Variants in ADAMTSL1 observed in about 807,000 individuals in gnomAD.
ADAMTSL1 encodes ADAMTS like 1.
Under a neutral mutation model 201.8 loss-of-function variants are expected in ADAMTSL1, and 126 were observed. The ratio of observed to expected loss-of-function variants is 0.62; its 90% CI spans 0.54 to 0.72. The LOEUF (loss-of-function observed/expected upper bound fraction) is 0.72, where lower values mean the gene tolerates loss of function less well. ADAMTSL1 is among the 30% of genes least tolerant of loss of function. ADAMTSL1 has a pLI of 0.00. For missense variants in ADAMTSL1, 2,679 were observed against 2,277.8 expected (o/e 1.18, Z -3.59); for synonymous variants, 1,121 against 903.4 (o/e 1.24, Z -4.32).
At chr9:18,888,259 G>T (rs1286679774) in intron 24 of ADAMTSL1, among the ~76,000 whole-genome samples, 1 of 152,166 alleles carries the variant, frequency 6.6e-6, no homozygotes, top group Admixed American at 6.5e-5. Flanking sequence ...ACCTGGAAAA[G>T]CCAGTGCTGC....
At chr9:18,337,847 A>G (rs1835307420) in intron 2 of ADAMTSL1, among the ~76,000 whole-genome samples, 1 of 152,148 alleles carries the variant, frequency 6.6e-6, no homozygotes, top group Admixed American at 6.5e-5. Context: ...AGAGTGGTAG[A>G]AGTACTGAAT....
intron 2 of ADAMTSL1, among the ~76,000 whole-genome samples, chr9:18,435,847 C>G (rs574713540): frequency 1.3e-5 from 2 of 152,124 alleles, no homozygotes; most frequent in African/African-American, 4.8e-5. Flanking sequence ...TTCACTATCA[C>G]GAGAACAGCA....
At chr9:18,887,177 T>G (rs941418887) in intron 23 of ADAMTSL1, among the ~76,000 whole-genome samples, 1 of 152,252 alleles carries the variant, frequency 6.6e-6, no homozygotes, top group African/African-American at 2.4e-5. Flanking sequence ...ATCTTACCGA[T>G]TCTATGCTAC....
chr9:18,875,259 G>C (rs1452583566), intron 23 of ADAMTSL1, among the ~76,000 whole-genome samples: 1 of 151,758 alleles, frequency 6.6e-6, no homozygotes, highest in Admixed American at 6.6e-5. Context: ...ATTTAGTTCT[G>C]CTCTGATCTT....
intron 25 of ADAMTSL1, chr9:18,890,729 C>T (rs75980004): frequency 2.0e-5 from 7 of 356,084 alleles, no homozygotes; most frequent in Admixed American, 7.3e-5. Context: ...AAACCCCCCC[C>T]ACCCCAGCTC....
At position 18,402,033 on chromosome 9, in the gene ADAMTSL1, C is replaced by T. The variant is rs142902922; in HGVS notation, c.208-102796C>T. Among the ~76,000 whole-genome samples the T allele has an allele frequency of 4.6e-3, 707 of 152,234 alleles. 4 individuals are homozygous for T. The highest frequency in any genetic ancestry group is 0.015 in the African/African-American group (624 of 41,542). On this transcript the variant is annotated intron_variant, in intron 2 of 29. Coordinates refer to the ADAMTSL1 transcript ENST00000680146. ...TTCTTGTGAGCTATCTGGTGATAGG[C>T]GAACTTTATTTTCTTCCCACTCTTC...
At chr9:18,654,853 A>G (rs1324050526) in intron 7 of ADAMTSL1, among the ~76,000 whole-genome samples, 1 of 152,220 alleles carries the variant, frequency 6.6e-6, no homozygotes, top group Non-Finnish European at 1.5e-5. Context: ...AAGCTTTCCA[A>G]AGTCATGACA....
chr9:17,977,520 G>T (rs769399325), intron 1 of ADAMTSL1, among the ~76,000 whole-genome samples: 2 of 151,774 alleles, frequency 1.3e-5, no homozygotes, highest in East Asian at 1.9e-4. Context: ...ATTTAGTCTT[G>T]GTTGGTTCTA....
intron 7 of ADAMTSL1, among the ~76,000 whole-genome samples, chr9:18,654,815 G>A (rs1483435948): frequency 6.6e-6 from 1 of 152,168 alleles, no homozygotes; most frequent in Non-Finnish European, 1.5e-5. Context: ...CTCCCTAGCA[G>A]GCATACTGAT....
intron 2 of ADAMTSL1, among the ~76,000 whole-genome samples, chr9:18,370,449 C>T (rs1217717779): frequency 6.6e-6 from 1 of 152,084 alleles, no homozygotes; most frequent in Non-Finnish European, 1.5e-5. Context: ...GTACCCCCCC[C>T]GAATCCATAA....
At chr9:18,071,181 C>A (rs1822946795) in intron 1 of ADAMTSL1, among the ~76,000 whole-genome samples, 1 of 152,168 alleles carries the variant, frequency 6.6e-6, no homozygotes, top group Non-Finnish European at 1.5e-5. Flanking sequence ...GGCATGTCCC[C>A]AAGTTGACAA....
chr9:18,236,159 C>T (rs112098083), intron 2 of ADAMTSL1, among the ~76,000 whole-genome samples: 2 of 152,166 alleles, frequency 1.3e-5, no homozygotes, highest in African/African-American at 4.8e-5. Context: ...CAACCTCCGC[C>T]TCCCAGGTTC....
At chr9:18,708,560 G>C (rs1041802150) in intron 14 of ADAMTSL1, among the ~76,000 whole-genome samples, 5 of 152,160 alleles carry the variant, frequency 3.3e-5, no homozygotes, top group African/African-American at 1.2e-4. Context: ...GTGATCTCTG[G>C]AGCCTGGGCA....
At chr9:18,099,326 A>ATATATATATATAT (rs1824387699) in intron 1 of ADAMTSL1, among the ~76,000 whole-genome samples, 1 of 57,590 alleles carries the variant, frequency 1.7e-5, no homozygotes, top group Admixed American at 2.2e-4. Flanking sequence ...GCAAATGGAA[A>ATATATATATATAT]ATATATATAT....
chr9:18,172,471 C>A (rs561208372), intron 2 of ADAMTSL1, among the ~76,000 whole-genome samples: 5 of 152,060 alleles, frequency 3.3e-5, no homozygotes, highest in African/African-American at 1.2e-4. Context: ...ATTTAAAGGA[C>A]CAACGAAGGC....
intron 5 of ADAMTSL1, among the ~76,000 whole-genome samples, chr9:18,626,260 A>G (rs1826353810): frequency 1.3e-5 from 2 of 152,192 alleles, no homozygotes; most frequent in Non-Finnish European, 2.9e-5. Flanking sequence ...GGAAAAAACA[A>G]ACCAGAGCAG....
chr9:18,568,460 A>T (rs1822078772), intron 3 of ADAMTSL1, among the ~76,000 whole-genome samples: 1 of 152,198 alleles, frequency 6.6e-6, no homozygotes, highest in South Asian at 2.1e-4. Flanking sequence ...CTGTCAGTAA[A>T]TTGAGGATTC....
At chr9:18,898,324 A>G (rs1033742536) in intron 26 of ADAMTSL1, among the ~76,000 whole-genome samples, 1 of 152,244 alleles carries the variant, frequency 6.6e-6, no homozygotes, top group African/African-American at 2.4e-5. Context: ...GGAGGAGCAC[A>G]ATGACCTGAT....
At chr9:18,551,522 G>A (rs973136581) in intron 3 of ADAMTSL1, among the ~76,000 whole-genome samples, 5 of 149,414 alleles carry the variant, frequency 3.3e-5, no homozygotes, top group African/African-American at 1.2e-4. Context: ...TTTTCTTTGG[G>A]GGAAGATTTT....
Sources: gnomAD v4.1 joint callset for allele counts (sites outside exome capture counted in the v4.1 genomes callset) on GRCh38, gnomAD v4.1.1 for gene constraint, MANE v1.5 for transcripts, NCBI Gene and HGNC (gene_info 2026-07-23, HGNC 2026-07-21) for gene names.